Variants in GPR85 observed in about 807,000 individuals in gnomAD.
GPR85 encodes probable G protein-coupled receptor 85.
In GPR85, 7 loss-of-function variants were observed where a neutral mutation model predicts 21.3. The ratio of observed to expected loss-of-function variants is 0.33; its 90% CI spans 0.19 to 0.62. The LOEUF is 0.62. GPR85 is among the 20% of genes least tolerant of loss of function. The pLI is 0.80. For synonymous variants in GPR85, 167 were observed against 166.1 expected, an observed-to-expected ratio of 1.01 and a Z score of -0.04; for missense variants, 299 against 443.8, an observed-to-expected ratio of 0.67 and a Z score of 2.93.
Position 113,083,646 on chromosome 7 carries a change from T to A in GPR85, c.1076A>T (p.Lys359Ile). Reference protein sequence around the residue: ...CFSTTLLYCRKSRLPREPYCV... With the variant: ...CFSTTLLYCRISRLPREPYCV... Reference sequence around the variant, plus strand: ...GTAAGGTTCCCTTGGTAACCTGGATTTTCTGCAGTAAAGAAGGGTTGTGCT... The same window carrying A: ...GTAAGGTTCCCTTGGTAACCTGGATATTCTGCAGTAAAGAAGGGTTGTGCT... Residue 359 changes from lysine (K) to isoleucine (I), a missense_variant, in exon 3 of 3, where the codon AAA becomes ATA. By Grantham distance (102) the Lys-to-Ile change is moderately radical. Around this residue, in one of 2 missense-constraint regions of GPR85, gnomAD observed 198 missense variants for 335.4 expected, o/e 0.59. Transcript: ENST00000424100. The surrounding 1 kb of genome is among the most constrained non-coding windows in gnomAD (Gnocchi z 4.4). 1 of 1,614,114 alleles carries A rather than the reference T, an allele frequency of 6.2e-7. No individual in the cohort carries two copies. Among genetic ancestry groups the A allele is most frequent in the Non-Finnish European group, 8.5e-7 (1 of 1,180,010 alleles).
rs1337788006 is a variant in GPR85 at position 113,086,195 on chromosome 7, GAGACAC to G, written c.-288-92_-288-87del. 1.6e-3 allele frequency: 45 copies of G among 28,414 alleles called. 1 individual carries two copies. Among genetic ancestry groups the G allele is most frequent in the East Asian group, 7.3e-3 (4 of 550 alleles). The allele number at this position is 28,414 out of a possible 1,614,324, so 1.8% of individuals were successfully genotyped here. On this transcript the variant is annotated intron_variant, in intron 1 of 2. Coordinates refer to ENST00000424100, the MANE Select transcript of GPR85 (RefSeq NM_001146267.2). ...ACACACACACACACACACACACACAGAGACACACACACACACACACACACACACAAC... is the reference window on the plus strand; with the variant it reads ...ACACACACACACACACACACACACAGACACACACACACACACACACACAAC...
rs1036539022 is a variant in GPR85 at position 113,086,406 on chromosome 7, T to G, written c.-373A>C. On this transcript the variant is annotated 5_prime_UTR_variant, in exon 1 of 3. Transcript: ENST00000424100. ...TCTTTTTTTCTTTTTCTTTTTTTTT[T>G]TTTTTTTTTTGTTTTTTGTTTTTTT... is the stretch of plus-strand genomic sequence containing the variant. The G allele has an allele frequency of 5.2e-5, 5 of 95,642 alleles. No homozygotes were observed. The highest frequency in any genetic ancestry group is 1.3e-4 in the African/African-American group (3 of 22,550). 5.9% of individuals were successfully genotyped at this position (95,642 alleles called of 1,614,324 possible).
chr7:113,086,191 C>CAT (rs1401155641), intron 1 of GPR85, 82 bp from the exon 2 acceptor site: 2 of 57,412 alleles, frequency 3.5e-5, no homozygotes, highest in Non-Finnish European at 7.3e-5. Flanking sequence ...CACACACACA[C>CAT]ACAGAGACAC....
intron 2 of GPR85, among the ~76,000 whole-genome samples, chr7:113,085,494 G>A (rs1794249648): frequency 6.6e-6 from 1 of 151,984 alleles, no homozygotes; most frequent in Admixed American, 6.6e-5. Context: ...CCCATTTCTG[G>A]CAAATCTTTT....
rs1186441151 is a variant in GPR85, at chr7:113,084,559, G to C, written c.163C>G (p.Pro55Ala). Reference sequence around the variant, plus strand: ...CAAAGATCCAACAGGAAGTAGTAAGGTGCTCTATGCAAGGTCTTATCTTTC... The same window carrying C: ...CAAAGATCCAACAGGAAGTAGTAAGCTGCTCTATGCAAGGTCTTATCTTTC... ...LVKDKTLHRA[P>A]YYFLLDLCCS... The change falls in exon 3 of 3, where the codon CCT becomes GCT. Residue 55 changes from proline (P) to alanine (A), a missense_variant. Transcript: ENST00000424100. 7.4e-6 allele frequency: 12 copies of C among 1,613,202 alleles called. No individual in the cohort carries two copies. The South Asian group carries it at 1.3e-4, about 18-fold the overall frequency.
At position 113,082,356 on chromosome 7, in the gene GPR85, T is replaced by C. The variant is rs1251950816; in HGVS notation, c.*1253A>G. The C allele has an allele frequency of 1.3e-5, 2 of 152,600 alleles. No individual in the cohort carries two copies. Among genetic ancestry groups the C allele is most frequent in the African/African-American group, 2.4e-5 (1 of 41,464 alleles). 9.5% of individuals were successfully genotyped at this position (152,600 alleles called of 1,614,324 possible). ...AAAGAATGAGACTCACAGACTCTAATGTATTTCTAAAATACCAGAAATCAT... is the reference window on the plus strand; with the variant it reads ...AAAGAATGAGACTCACAGACTCTAACGTATTTCTAAAATACCAGAAATCAT... On this transcript the variant is annotated 3_prime_UTR_variant, in exon 3 of 3. Transcript: ENST00000424100.
In GPR85 at chr7:113,083,928, G is replaced by T; in HGVS notation, c.794C>A (p.Thr265Asn). Residue 265 changes from threonine (T) to asparagine (N), a missense_variant, in exon 3 of 3, where the codon ACC becomes AAC. Thr to Asn is a moderately conservative substitution (Grantham distance 65, BLOSUM62 0). Transcript: ENST00000424100. This position sits in a 1 kb window ranked among gnomAD's most constrained non-coding sequence, Gnocchi z 4.4. The part of the protein sequence containing the change: ...TLLGIRQNAN[T>N]TGRRRLLVLD... ...GACCAATAGCCTTCTTCTGCCTGTG[G>T]TGTTTGCATTTTGCCTGATGCCCAG... The T allele has an allele frequency of 6.2e-7, 1 of 1,614,098 alleles. No homozygotes were observed. Among genetic ancestry groups the T allele is most frequent in the Non-Finnish European group, 8.5e-7 (1 of 1,179,998 alleles).
upstream of GPR85, chr7:113,087,678 T>C (rs1794342720): frequency 6.5e-6 from 1 of 153,708 alleles, no homozygotes; most frequent in Non-Finnish European, 1.5e-5. Flanking sequence ...CTTTTTGCTT[T>C]ATAATAATCT....
At position 113,086,432 on chromosome 7, in the gene GPR85, T is replaced by TTTTTTTTTTTTTTTTTTTG. The variant is rs1794303635; in HGVS notation, c.-400_-399insCAAAAAAAAAAAAAAAAAA. ...TTTTTTTTTTGTTTTTTGTTTTTTT[T>TTTTTTTTTTTTTTTTTTTG]TTTTTTTTTTTTGCCTTAGTGCCTT... is the stretch of plus-strand genomic sequence containing the variant. On this transcript the variant is annotated 5_prime_UTR_variant, in exon 1 of 3. The change abolishes the stop of an existing upstream ORF in the 5' untranslated region. Coordinates refer to ENST00000424100, the MANE Select transcript of GPR85 (RefSeq NM_001146267.2). The TTTTTTTTTTTTTTTTTTTG allele has an allele frequency of 8.7e-6, 1 of 115,338 alleles. No individual in the cohort carries two copies. The highest frequency in any genetic ancestry group is 3.2e-5 in the African/African-American group (1 of 30,998). The allele number at this position is 115,338 out of a possible 1,614,324, so 7.1% of individuals were successfully genotyped here.
chr7:113,084,686 C>G lies in GPR85; in HGVS notation c.36G>C (p.Leu12Phe). The change falls in exon 3 of 3, where the codon TTG becomes TTC. Residue 12 changes from leucine (L) to phenylalanine (F), a missense_variant. Leu to Phe is a conservative substitution (Grantham distance 22, BLOSUM62 0). This residue lies in a region of GPR85 where 101 missense variants were observed against 108.4 expected (regional missense o/e 0.93). Transcript: ENST00000424100. ...ANYSHAADNILQNLSPLTAFL... is the reference protein window; with the variant it reads ...ANYSHAADNIFQNLSPLTAFL... ...AGGCTGTTAGAGGCGAGAGATTTTG[C>G]AAAATGTTGTCAGCTGCATGGCTAT... The G allele has an allele frequency of 6.2e-7, 1 of 1,613,570 alleles. No homozygotes were observed. The highest frequency in any genetic ancestry group is 8.5e-7 in the Non-Finnish European group (1 of 1,179,712).
chr7:113,083,903 GA>G lies in GPR85; in HGVS notation c.818del (p.Val273AlafsTer2). 6.2e-7 allele frequency: 1 copy of G among 1,614,102 alleles called. No individual in the cohort carries two copies. Among genetic ancestry groups the G allele is most frequent in the Non-Finnish European group, 8.5e-7 (1 of 1,180,012 alleles). ...ANTTGRRRLL[V>X]LDEFKMEKRI... Reference sequence around the variant, plus strand: ...TTTTCTCCATTTTGAACTCGTCTAAGACCAATAGCCTTCTTCTGCCTGTGGT... The same window carrying G: ...TTTTCTCCATTTTGAACTCGTCTAAGCCAATAGCCTTCTTCTGCCTGTGGT... On this transcript the variant is annotated frameshift_variant, in exon 3 of 3. Transcript: ENST00000424100. LOFTEE classifies it high-confidence loss of function. This position sits in a 1 kb window ranked among gnomAD's most constrained non-coding sequence, Gnocchi z 4.4.
Position 113,084,674 on chromosome 7 carries a change from C to T in GPR85, c.48G>A (p.Ser16=), listed in dbSNP as rs142581654. The change falls in exon 3 of 3, where the codon TCG becomes TCA. Residue 16 remains serine (S), a synonymous_variant. Coordinates refer to ENST00000424100, the MANE Select transcript of GPR85 (RefSeq NM_001146267.2). ...TCAGTTTCAGAAAGGCTGTTAGAGG[C>T]GAGAGATTTTGCAAAATGTTGTCAG... ...HAADNILQNL[S]PLTAFLKLTS... is the part of the protein sequence containing the mutation. 257 of 1,613,544 alleles carry T rather than the reference C, an allele frequency of 1.6e-4. No homozygotes were observed. The African/African-American group carries it at 2.3e-3, about 15-fold the overall frequency.
At chr7:113,087,030 AAGTT>A (rs930089909), upstream of GPR85, among the ~76,000 whole-genome samples, 1 of 152,108 alleles carries the variant, frequency 6.6e-6, no homozygotes, top group Non-Finnish European at 1.5e-5. Context: ...AAAAGAAAAA[AAGTT>A]ATTTATTTAT....
At position 113,084,648 on chromosome 7, in the gene GPR85, G is replaced by T; in HGVS notation, c.74C>A (p.Thr25Asn). The T allele has an allele frequency of 6.2e-7, 1 of 1,613,346 alleles. No homozygotes were observed. The highest frequency in any genetic ancestry group is 8.5e-7 in the Non-Finnish European group (1 of 1,179,352). Residue 25 changes from threonine (T) to asparagine (N), a missense_variant, in exon 3 of 3, where the codon ACT becomes AAT. By Grantham distance (65) the Thr-to-Asn change is moderately conservative. Transcript: ENST00000424100. Reference protein sequence around the residue: ...LSPLTAFLKLTSLGFIIGVSV... With the variant: ...LSPLTAFLKLNSLGFIIGVSV... ...GACTCCTATTATGAAACCCAAGGAA[G>T]TCAGTTTCAGAAAGGCTGTTAGAGG...
In GPR85 at chr7:113,083,741, C is replaced by T; in HGVS notation, c.981G>A (p.Met327Ile). Residue 327 changes from methionine (M) to isoleucine (I), a missense_variant, in exon 3 of 3, where the codon ATG becomes ATA. Met to Ile is a conservative substitution (Grantham distance 10, BLOSUM62 1). Transcript: ENST00000424100. The surrounding 1 kb of genome is among the most constrained non-coding windows in gnomAD (Gnocchi z 4.4). ...PGGFLTAAVW[M>I]SFAQAGINPF... ...GATTGATTCCTGCTTGGGCAAAACT[C>T]ATCCAGACAGCAGCTGTTAGAAATC... 1 of 1,614,262 alleles carries T rather than the reference C, an allele frequency of 6.2e-7. No homozygotes were observed. The highest frequency in any genetic ancestry group is 8.5e-7 in the Non-Finnish European group (1 of 1,180,042).
intron 2 of GPR85, among the ~76,000 whole-genome samples, chr7:113,085,212 A>C (rs935971706): frequency 6.6e-6 from 1 of 152,208 alleles, no homozygotes; most frequent in Non-Finnish European, 1.5e-5. Context: ...AATGGAATCT[A>C]CAAGATTGCT....
At chr7:113,087,268 G>A (rs1599792), upstream of GPR85, among the ~76,000 whole-genome samples, 24,630 of 152,064 alleles carry the variant, frequency 0.16, 2,181 homozygotes, top group South Asian at 0.32. Context: ...TGTTTAAATG[G>A]CTATTCCTGG....
Position 113,086,396 on chromosome 7 carries a change from C to CTTTTTCTTT in GPR85, c.-364_-363insAAAGAAAAA, listed in dbSNP as rs1794282726. On this transcript the variant is annotated 5_prime_UTR_variant, in exon 1 of 3. Coordinates refer to ENST00000424100, the MANE Select transcript of GPR85 (RefSeq NM_001146267.2). ...CTGATTTTTTTCTTTTTTTCTTTTT[C>CTTTTTCTTT]TTTTTTTTTTTTTTTTTTTTGTTTT... is the stretch of plus-strand genomic sequence containing the variant. The CTTTTTCTTT allele has an allele frequency of 4.2e-5, 2 of 48,066 alleles. No homozygotes were observed. Among genetic ancestry groups the CTTTTTCTTT allele is most frequent in the African/African-American group, 1.8e-4 (2 of 10,958 alleles). The allele number at this position is 48,066 out of a possible 1,614,324, so 3.0% of individuals were successfully genotyped here. A position where few individuals can be genotyped will look rare whatever the true frequency, so the allele number is the denominator to read the frequency against.
In GPR85 at chr7:113,083,611, A is replaced by T; in HGVS notation, c.1111T>A (p.Ter371ArgextTer10). Residue 371 changes from the stop codon to arginine, a stop_lost, in exon 3 of 3, where the codon TGA becomes AGA. Transcript: ENST00000424100. This position sits in a 1 kb window ranked among gnomAD's most constrained non-coding sequence, Gnocchi z 4.4. ...RLPREPYCVI[*>R] The stretch of plus-strand genomic sequence containing the variant: ...GCTAAAGATTTACAGATGCTCCCTC[A>T]TATAACACAGTAAGGTTCCCTTGGT... 1.2e-6 allele frequency: 2 copies of T among 1,611,868 alleles called. No homozygotes were observed. Among genetic ancestry groups the T allele is most frequent in the Non-Finnish European group, 1.7e-6 (2 of 1,178,920 alleles).
Sources: allele counts gnomAD v4.1 joint callset (sites outside exome capture counted in the v4.1 genomes callset), GRCh38; gene constraint gnomAD v4.1.1; regional missense constraint gnomAD v4.1.1; non-coding constraint Gnocchi (gnomAD v3.1); transcripts MANE v1.5; gene names NCBI Gene and HGNC (gene_info 2026-07-23, HGNC 2026-07-21).